The following PAN3 variants were observed in gnomAD, a reference collection of about 807,000 sequenced individuals.
PAN3 encodes the protein poly(A) specific ribonuclease subunit PAN3.
A neutral mutation model predicts 96.2 loss-of-function variants in PAN3; 19 were observed. The ratio of observed to expected loss-of-function variants is 0.20; its 90% confidence interval spans 0.14 to 0.29. The LOEUF (loss-of-function observed/expected upper bound fraction) is 0.29, where lower values mean the gene tolerates loss of function less well. Ranked by LOEUF, PAN3 falls within the 10% of genes least tolerant of loss-of-function variation. The pLI is 1.00. For missense variants in PAN3, 882 were observed against 1,108.1 expected, an observed-to-expected ratio of 0.80 and a Z score of 2.90; for synonymous variants, 433 against 406.6, an observed-to-expected ratio of 1.06 and a Z score of -0.78.
intron 6 of PAN3, among the ~76,000 whole-genome samples, chr13:28,220,721 G>A (rs943624103): frequency 1.3e-5 from 2 of 152,070 alleles, no homozygotes; most frequent in Non-Finnish European, 1.5e-5. Flanking sequence ...CAGAAAGAAC[G>A]TGAATATTTA....
intron 6 of PAN3, among the ~76,000 whole-genome samples, chr13:28,235,886 ATTT>A (rs553429429): frequency 1.4e-5 from 2 of 140,832 alleles, no homozygotes; most frequent in Non-Finnish European, 1.6e-5. Flanking sequence ...TGATTTTTAA[ATTT>A]TTTTTTTTTT....
rs1342718662 is a variant in PAN3 at position 28,140,101 on chromosome 13, C to A, written c.430+1014C>A. Among the ~76,000 whole-genome samples the A allele has an allele frequency of 6.6e-5, 10 of 152,232 alleles. No homozygotes were observed. In the East Asian group the frequency reaches 1.9e-3, roughly 29 times the overall value. On this transcript the variant is annotated intron_variant, in intron 1 of 18. Coordinates refer to ENST00000380958, the MANE Select transcript of PAN3 (RefSeq NM_175854.8). The stretch of plus-strand genomic sequence containing the variant: ...TAGCTGGGACTACAGGCGCGCGCCA[C>A]CACGGCCAGATAATTTTTTGTAGTT...
intron 4 of PAN3, among the ~76,000 whole-genome samples, chr13:28,180,778 G>A (rs1875666677): frequency 1.3e-5 from 2 of 152,108 alleles, no homozygotes. Flanking sequence ...GTGATTTACT[G>A]GGGTCAGAAT....
chr13:28,291,682 T>C (rs1382037045), intron 18 of PAN3, among the ~76,000 whole-genome samples: 1 of 152,000 alleles, frequency 6.6e-6, no homozygotes, highest in African/African-American at 2.4e-5. Flanking sequence ...ATACAAAATA[T>C]TAGCTGGGCG....
chr13:28,156,622 GC>G (rs1257588970), intron 1 of PAN3, among the ~76,000 whole-genome samples: 1 of 152,002 alleles, frequency 6.6e-6, no homozygotes, highest in Non-Finnish European at 1.5e-5. Context: ...AAAACTTCAG[GC>G]CAATATCCTT....
chr13:28,240,633 A>G (rs931356376), intron 6 of PAN3, among the ~76,000 whole-genome samples: 1 of 152,214 alleles, frequency 6.6e-6, no homozygotes, highest in Non-Finnish European at 1.5e-5. Context: ...TGGGCTTTAG[A>G]CAAATGAGTT....
chr13:28,180,190 G>A (rs1284112533), intron 4 of PAN3, among the ~76,000 whole-genome samples: 1 of 152,114 alleles, frequency 6.6e-6, no homozygotes, highest in Non-Finnish European at 1.5e-5. Flanking sequence ...TTGCTGTGGT[G>A]TCCTTCATCT....
At chr13:28,245,623 C>G (rs1442056411) in intron 6 of PAN3, among the ~76,000 whole-genome samples, 1 of 152,176 alleles carries the variant, frequency 6.6e-6, no homozygotes, top group Middle Eastern at 3.2e-3. Context: ...TCAAATTCCA[C>G]AGCATTTTCA....
chr13:28,154,996 A>AT (rs750522409), intron 1 of PAN3, among the ~76,000 whole-genome samples: 576 of 133,012 alleles, frequency 4.3e-3, no homozygotes, highest in Non-Finnish European at 5.3e-3. Context: ...AATTTTTTGT[A>AT]TTTTTTTTTT....
intron 6 of PAN3, among the ~76,000 whole-genome samples, chr13:28,235,682 T>TACACACACACACACACAC (rs143752644): frequency 5.7e-4 from 70 of 123,426 alleles, no homozygotes; most frequent in Admixed American, 1.7e-3. Context: ...TTCTCTAATA[T>TACACACACACACACACAC]ACACACACAC....
At chr13:28,203,257 A>G (rs1593465376) in intron 5 of PAN3, among the ~76,000 whole-genome samples, 1 of 150,224 alleles carries the variant, frequency 6.7e-6, no homozygotes. Context: ...TTTATTGGGT[A>G]ATATATGTAA....
chr13:28,256,863 A>G (rs1016014955), intron 7 of PAN3, among the ~76,000 whole-genome samples: 2 of 152,132 alleles, frequency 1.3e-5, no homozygotes, highest in Admixed American at 1.3e-4. Flanking sequence ...ATTTGTTTAT[A>G]GGTATAGATA....
At chr13:28,210,149 T>A (rs1345915139) in intron 5 of PAN3, among the ~76,000 whole-genome samples, 1 of 152,194 alleles carries the variant, frequency 6.6e-6, no homozygotes, top group East Asian at 1.9e-4. Flanking sequence ...TTGTTAGAGA[T>A]GTTTATAGTA....
intron 6 of PAN3, among the ~76,000 whole-genome samples, chr13:28,252,172 G>T (rs1884788335): frequency 6.7e-6 from 1 of 148,990 alleles, no homozygotes; most frequent in Non-Finnish European, 1.5e-5. Flanking sequence ...ATATGTGTGA[G>T]CCACTGCGAC....
intron 6 of PAN3, among the ~76,000 whole-genome samples, chr13:28,233,862 TTC>T (rs1555285391): frequency 6.6e-6 from 1 of 152,212 alleles, no homozygotes; most frequent in Non-Finnish European, 1.5e-5. Context: ...TCATCAGAAA[TTC>T]TGTTTTATTG....
At chr13:28,260,659 C>G in intron 8 of PAN3, 108 bp downstream of exon 8, 3 of 858,088 alleles carry the variant, frequency 3.5e-6, no homozygotes, top group Non-Finnish European at 3.6e-6. Context: ...CAAATATGCT[C>G]TAGTAAAGCA....
intron 4 of PAN3, among the ~76,000 whole-genome samples, chr13:28,190,305 C>T (rs1289726698): frequency 6.6e-6 from 1 of 152,136 alleles, no homozygotes; most frequent in African/African-American, 2.4e-5. Flanking sequence ...TGCAGTGGCA[C>T]AGTCATAGCC....
rs1593490960 is a variant in PAN3 at position 28,215,827 on chromosome 13, C to G, written c.853-4404C>G. On this transcript the variant is annotated intron_variant, in intron 5 of 18. Transcript: ENST00000380958. ...ACAGTTGCTGTGGGTGTCATCAAAG[C>G]AGTGGACAAGAAGGCTGCTGGAGCT... 2.2e-6 allele frequency: 3 copies of G among 1,382,192 alleles called. No individual in the cohort carries two copies. The East Asian group carries it at 6.9e-5, about 32-fold the overall frequency. The allele number at this position is 1,382,192 out of a possible 1,614,324, so 85.6% of individuals were successfully genotyped here.
At chr13:28,252,550 TGTTA>T (rs965932936) in intron 6 of PAN3, among the ~76,000 whole-genome samples, 1 of 152,194 alleles carries the variant, frequency 6.6e-6, no homozygotes, top group Non-Finnish European at 1.5e-5. Flanking sequence ...TTCTTTCTTT[TGTTA>T]GTTCCAGTTA....
Sources: allele counts gnomAD v4.1 joint callset (sites outside exome capture counted in the v4.1 genomes callset), GRCh38; gene constraint gnomAD v4.1.1; transcripts MANE v1.5; gene names NCBI Gene and HGNC (gene_info 2026-07-23, HGNC 2026-07-21).